Variants in SLC44A5 observed in about 807,000 individuals in gnomAD.
The protein encoded by SLC44A5 is choline transporter-like protein 5.
In SLC44A5, 57 loss-of-function variants were observed where a neutral mutation model predicts 101.8. The ratio of observed to expected loss-of-function variants is 0.56; its 90% CI spans 0.45 to 0.70. The LOEUF (loss-of-function observed/expected upper bound fraction) is 0.70. Ranked by LOEUF, SLC44A5 falls within the 30% of genes least tolerant of loss-of-function variation. The pLI is 0.00. For missense variants in SLC44A5, 737 were observed against 853.1 expected (o/e 0.86, Z 1.70); for synonymous variants, 281 against 290.9 (o/e 0.97, Z 0.35).
intron 5 of SLC44A5, among the ~76,000 whole-genome samples, chr1:75,287,280 G>A (rs1570579707): frequency 6.6e-6 from 1 of 151,940 alleles, no homozygotes; most frequent in East Asian, 1.9e-4. Flanking sequence ...TTCATTTCCA[G>A]AAGTTGTGAT....
chr1:75,241,085 G>T (rs1458390905), intron 9 of SLC44A5, among the ~76,000 whole-genome samples: 1 of 6,316 alleles, frequency 1.6e-4, no homozygotes, highest in Non-Finnish European at 5.5e-4. Context: ...AAATATTCTC[G>T]GTCTTGGATA....
chr1:75,693,168 T>C, the SLC44A5 span, among the ~76,000 whole-genome samples: 1 of 152,266 alleles, frequency 6.6e-6, no homozygotes, highest in East Asian at 1.9e-4. Context: ...AGTGAAATGA[T>C]CAAATGGAGG....
intron 2 of SLC44A5, among the ~76,000 whole-genome samples, chr1:75,405,078 CAG>C (rs1487497438): frequency 1.3e-5 from 2 of 152,276 alleles, no homozygotes; most frequent in East Asian, 3.9e-4. Context: ...TTTCAACAAA[CAG>C]AGAATAGAAG....
chr1:75,233,443 A>G (rs765704205), intron 12 of SLC44A5, among the ~76,000 whole-genome samples: 2 of 151,854 alleles, frequency 1.3e-5, no homozygotes, highest in Non-Finnish European at 2.9e-5. Context: ...TTTAGCTCCC[A>G]CACATTATTT....
At chr1:75,640,921 A>T in the SLC44A5 span, among the ~76,000 whole-genome samples, 1 of 152,114 alleles carries the variant, frequency 6.6e-6, no homozygotes, top group Admixed American at 6.6e-5. Context: ...ATTAATAAAT[A>T]AAAAAGTCCC....
intron 2 of SLC44A5, among the ~76,000 whole-genome samples, chr1:75,430,597 CTT>C (rs1445385089): frequency 1.3e-5 from 2 of 152,126 alleles, no homozygotes; most frequent in African/African-American, 4.8e-5. Context: ...TGCCAAGAAA[CTT>C]AGACTTTATC....
chr1:75,723,172 T>C, the SLC44A5 span, among the ~76,000 whole-genome samples: 1 of 152,298 alleles, frequency 6.6e-6, no homozygotes, highest in South Asian at 2.1e-4. Context: ...GGTGCACGTG[T>C]CAGGTTATAA....
At chr1:75,669,740 CA>C in the SLC44A5 span, among the ~76,000 whole-genome samples, 1 of 152,066 alleles carries the variant, frequency 6.6e-6, no homozygotes. Context: ...CAGACACATA[CA>C]AACCCATGTA....
At chr1:75,338,310 A>C (rs1425825961) in intron 4 of SLC44A5, among the ~76,000 whole-genome samples, 2 of 152,158 alleles carry the variant, frequency 1.3e-5, no homozygotes, top group East Asian at 3.9e-4. Context: ...AATGGAAGAC[A>C]GGAGATCTCA....
chr1:75,695,012 C>T, the SLC44A5 span, among the ~76,000 whole-genome samples: 1 of 152,192 alleles, frequency 6.6e-6, no homozygotes, highest in East Asian at 1.9e-4. Flanking sequence ...AATTGTTAAC[C>T]AGTTTCTAGA....
At chr1:75,307,626 T>C (rs1213111494) in intron 4 of SLC44A5, among the ~76,000 whole-genome samples, 1 of 152,196 alleles carries the variant, frequency 6.6e-6, no homozygotes, top group Admixed American at 6.5e-5. Flanking sequence ...TCACGAATAA[T>C]AGAGAATCTG....
intron 23 of SLC44A5, chr1:75,205,311 A>T (rs1297317661): frequency 6.6e-6 from 1 of 152,198 alleles, no homozygotes; most frequent in Non-Finnish European, 1.5e-5. Context: ...TCAGATCAAC[A>T]TGTTCCTTTC....
the SLC44A5 span, among the ~76,000 whole-genome samples, chr1:75,617,785 A>G: frequency 6.6e-6 from 1 of 152,234 alleles, no homozygotes; most frequent in Admixed American, 6.5e-5. Context: ...CTACTCTTCT[A>G]GGTCTTCAAA....
At chr1:75,582,059 T>C in intron 1 of SLC44A5, 1 of 685,364 alleles carries the variant, frequency 1.5e-6, no homozygotes, top group Non-Finnish European at 2.7e-6. Context: ...AGCTTTCACT[T>C]CCAGGCGCTT....
intron 3 of SLC44A5, among the ~76,000 whole-genome samples, chr1:75,352,977 G>A (rs1019717978): frequency 7.2e-5 from 11 of 152,074 alleles, no homozygotes; most frequent in African/African-American, 2.4e-4. Context: ...TGCTTTTCTT[G>A]TAGTTTACTA....
At chr1:75,470,755 A>G (rs1256265719) in intron 2 of SLC44A5, among the ~76,000 whole-genome samples, 1 of 150,716 alleles carries the variant, frequency 6.6e-6, no homozygotes, top group African/African-American at 2.4e-5. Flanking sequence ...AAAAACTGAG[A>G]TAAGTATGGT....
chr1:75,482,206 T>A (rs948531188), intron 2 of SLC44A5, among the ~76,000 whole-genome samples: 14 of 145,474 alleles, frequency 9.6e-5, no homozygotes, highest in Non-Finnish European at 2.1e-4. Flanking sequence ...CACTCATAGG[T>A]GGGAACTGAA....
intron 3 of SLC44A5, among the ~76,000 whole-genome samples, chr1:75,350,404 G>A (rs1447307581): frequency 6.6e-6 from 1 of 151,842 alleles, no homozygotes; most frequent in Non-Finnish European, 1.5e-5. Flanking sequence ...AATGTGTACT[G>A]TTTGAGCCAC....
At chr1:75,702,912 C>T in the SLC44A5 span, among the ~76,000 whole-genome samples, 6 of 152,088 alleles carry the variant, frequency 3.9e-5, no homozygotes, top group East Asian at 3.8e-4. Flanking sequence ...TGAAAAAATG[C>T]GCATCATCAC....
Sources: allele counts gnomAD v4.1 joint callset (sites outside exome capture counted in the v4.1 genomes callset), GRCh38; gene constraint gnomAD v4.1.1; transcripts MANE v1.5; gene names NCBI Gene and HGNC (gene_info 2026-07-23, HGNC 2026-07-21).